Variants in UNC5C observed in about 807,000 individuals in gnomAD.
UNC5C encodes the protein unc-5 netrin receptor C, also known as netrin receptor UNC5C.
In UNC5C, 47 loss-of-function variants were observed where a neutral mutation model predicts 99.8. That is an observed-to-expected ratio of 0.47 (90% confidence interval 0.37 to 0.60). The LOEUF is 0.60. Among genes scored for constraint, UNC5C ranks in the 20% least tolerant of loss-of-function variants. The probability of loss-of-function intolerance (pLI) is 0.00; values close to 1 mark genes in which losing one functional copy is unlikely to be tolerated. For missense variants in UNC5C, 1,062 were observed against 1,165.9 expected, an observed-to-expected ratio of 0.91 and a Z score of 1.30; for synonymous variants, 487 against 452.2, an observed-to-expected ratio of 1.08 and a Z score of -0.98.
intron 11 of UNC5C, 40 bp downstream of exon 11, chr4:95,206,588 A>G (rs376955523): frequency 6.1e-5 from 99 of 1,612,310 alleles, no homozygotes; most frequent in Non-Finnish European, 7.8e-5. Context: ...ATCTGCATGG[A>G]TTATTCTTGC....
chr4:95,519,002 G>A (rs572672734), intron 1 of UNC5C, among the ~76,000 whole-genome samples: 1 of 152,118 alleles, frequency 6.6e-6, no homozygotes. Context: ...ACTAGAGAAA[G>A]TCTCTATTTT....
intron 1 of UNC5C, among the ~76,000 whole-genome samples, chr4:95,490,274 A>T (rs765842088): frequency 4.0e-5 from 6 of 151,706 alleles, no homozygotes; most frequent in Admixed American, 6.6e-5. Context: ...TGAAAGAAAA[A>T]AAGGCATTAA....
chr4:95,185,131 A>G lies in UNC5C; in HGVS notation c.2202T>C (p.Phe734=). Residue 734 remains phenylalanine, a synonymous_variant, in exon 13 of 16, where the codon TTT becomes TTC. Coordinates refer to ENST00000453304, the MANE Select transcript of UNC5C (RefSeq NM_003728.4). ...QLLEEPKALH[F]KGSTHNLRLS... ...GGCGCAGGTTGTGGGTGCTGCCTTT[A>G]AAATGAAGAGCCTTAGGTTCTTCTA... 3 of 1,614,034 alleles carry G rather than the reference A, an allele frequency of 1.9e-6. No individual in the cohort carries two copies. Among genetic ancestry groups the G allele is most frequent in the South Asian group, 1.1e-5 (1 of 91,068 alleles).
intron 2 of UNC5C, among the ~76,000 whole-genome samples, chr4:95,303,661 C>T (rs577641210): frequency 1.3e-5 from 2 of 152,048 alleles, no homozygotes; most frequent in African/African-American, 4.8e-5. Flanking sequence ...GGGCAATGAG[C>T]GAGACTTTGT....
chr4:95,193,550 A>C (rs189147799), intron 12 of UNC5C, among the ~76,000 whole-genome samples: 1 of 152,162 alleles, frequency 6.6e-6, no homozygotes, highest in African/African-American at 2.4e-5. Context: ...AAAAAATCAC[A>C]TCTGCCATCA....
At chr4:95,177,636 A>C (rs1422194781) in intron 14 of UNC5C, among the ~76,000 whole-genome samples, 1 of 152,152 alleles carries the variant, frequency 6.6e-6, no homozygotes, top group Non-Finnish European at 1.5e-5. Flanking sequence ...TGGTATGCAC[A>C]GTGCTGTTGG....
At chr4:95,533,929 T>TA (rs1370978598) in intron 1 of UNC5C, among the ~76,000 whole-genome samples, 3 of 152,232 alleles carry the variant, frequency 2.0e-5, no homozygotes, top group Admixed American at 6.5e-5. Flanking sequence ...CTAGGTAGCA[T>TA]AAAACCCCAC....
intron 1 of UNC5C, among the ~76,000 whole-genome samples, chr4:95,408,891 C>T (rs1179336415): frequency 6.6e-6 from 1 of 151,852 alleles, no homozygotes; most frequent in Non-Finnish European, 1.5e-5. Flanking sequence ...AGAATAATAC[C>T]CCCTTTCACT....
intron 5 of UNC5C, among the ~76,000 whole-genome samples, chr4:95,249,748 T>G (rs181584891): frequency 6.6e-6 from 1 of 152,098 alleles, no homozygotes. Flanking sequence ...GACCAGGGTG[T>G]GGGAGGAATC....
At chr4:95,272,812 T>G (rs967341058) in intron 4 of UNC5C, among the ~76,000 whole-genome samples, 2 of 152,212 alleles carry the variant, frequency 1.3e-5, no homozygotes, top group Non-Finnish European at 2.9e-5. Flanking sequence ...TTCTTTCCTC[T>G]CTAAACTCTT....
In UNC5C at chr4:95,511,773, G is replaced by A. The variant is rs187569136; in HGVS notation, c.124+36961C>T. On this transcript the variant is annotated intron_variant, in intron 1 of 15. Coordinates refer to ENST00000453304, the MANE Select transcript of UNC5C (RefSeq NM_003728.4). The stretch of plus-strand genomic sequence containing the variant: ...CTCGTACATGTGGGAGAAAGATGTC[G>A]ACATTCAGACCAATGCAATGGAAAA... 3.3e-3 allele frequency among the ~76,000 whole-genome samples: 499 copies of A among 152,044 alleles called. 2 individuals carry two copies. Among genetic ancestry groups the A allele is most frequent in the African/African-American group, 0.011 (470 of 41,452 alleles).
chr4:95,544,010 T>G, intron 1 of UNC5C, among the ~76,000 whole-genome samples: 1 of 152,212 alleles, frequency 6.6e-6, no homozygotes, highest in Non-Finnish European at 1.5e-5. Context: ...GAGTTCAAAA[T>G]TATTGACCTT....
chr4:95,422,002 C>A (rs1746332891), intron 1 of UNC5C, among the ~76,000 whole-genome samples: 1 of 152,186 alleles, frequency 6.6e-6, no homozygotes. Flanking sequence ...GTGGTAACAG[C>A]AAGGGCCAAC....
intron 1 of UNC5C, among the ~76,000 whole-genome samples, chr4:95,428,615 T>C (rs991445349): frequency 2.0e-5 from 3 of 152,102 alleles, no homozygotes; most frequent in Non-Finnish European, 4.4e-5. Flanking sequence ...GTGATGGCCA[T>C]ATAGTGAGCA....
chr4:95,190,451 G>A (rs1449039451), intron 12 of UNC5C, among the ~76,000 whole-genome samples: 2 of 152,100 alleles, frequency 1.3e-5, no homozygotes, highest in Non-Finnish European at 1.5e-5. Flanking sequence ...TAACAAACCT[G>A]CACATTGTGC....
intron 12 of UNC5C, 25 bp downstream of exon 12, chr4:95,202,706 G>A (rs1162641184): frequency 6.2e-7 from 1 of 1,607,788 alleles, no homozygotes; most frequent in Admixed American, 1.7e-5. Flanking sequence ...AGGTGAAGAG[G>A]GCAGGCTAGG....
At chr4:95,504,784 A>T (rs1721871241) in intron 1 of UNC5C, among the ~76,000 whole-genome samples, 1 of 152,116 alleles carries the variant, frequency 6.6e-6, no homozygotes, top group African/African-American at 2.4e-5. Context: ...ATATGCATAT[A>T]TGTGTGCATA....
intron 2 of UNC5C, among the ~76,000 whole-genome samples, chr4:95,330,616 A>G (rs1427566023): frequency 6.6e-6 from 1 of 152,116 alleles, no homozygotes; most frequent in Non-Finnish European, 1.5e-5. Flanking sequence ...CTTCATTTAA[A>G]GATTTTTTTT....
At chr4:95,224,127 C>G (rs1297788247) in intron 7 of UNC5C, among the ~76,000 whole-genome samples, 1 of 151,994 alleles carries the variant, frequency 6.6e-6, no homozygotes, top group Non-Finnish European at 1.5e-5. Context: ...ACCCAAAATA[C>G]AAAAAATTAG....
Sources: gnomAD v4.1 joint callset for allele counts (sites outside exome capture counted in the v4.1 genomes callset) on GRCh38, gnomAD v4.1.1 for gene constraint, MANE v1.5 for transcripts, NCBI Gene and HGNC (gene_info 2026-07-23, HGNC 2026-07-21) for gene names.